The following ENOX1 variants were observed in gnomAD, a reference collection of about 807,000 sequenced individuals.
ENOX1 encodes the protein ecto-NOX disulfide-thiol exchanger 1, also known as candidate growth-related and time keeping constitutive hydroquinone (NADH) oxidase.
ENOX1 carries 42 observed loss-of-function variants against 82.5 expected under a neutral mutation model. The observed-to-expected ratio is 0.51, with a 90% CI of 0.40 to 0.66. The LOEUF (loss-of-function observed/expected upper bound fraction) is 0.66. Among genes scored for constraint, ENOX1 ranks in the 30% least tolerant of loss-of-function variants. ENOX1 has a pLI of 0.00. For missense variants in ENOX1, 608 were observed against 811.6 expected, an observed-to-expected ratio of 0.75 and a Z score of 3.05; for synonymous variants, 271 against 282.2, an observed-to-expected ratio of 0.96 and a Z score of 0.40.
chr13:43,409,065 G>T (rs1051594543), intron 5 of ENOX1, among the ~76,000 whole-genome samples: 2 of 147,118 alleles, frequency 1.4e-5, no homozygotes, highest in African/African-American at 5.0e-5. Context: ...AAAATTACCA[G>T]GAACCCTATT....
At chr13:43,360,084 T>A in intron 6 of ENOX1, 27 bp from the exon 7 acceptor site, 1 of 1,603,648 alleles carries the variant, frequency 6.2e-7, no homozygotes, top group Non-Finnish European at 8.5e-7. Flanking sequence ...AACAGAAAGT[T>A]TTATCTTTCA....
intron 3 of ENOX1, among the ~76,000 whole-genome samples, chr13:43,439,461 A>G (rs1047598086): frequency 6.6e-6 from 1 of 152,030 alleles, no homozygotes; most frequent in African/African-American, 2.4e-5. Flanking sequence ...CAGCCTCGCA[A>G]AGTGCTGGGA....
intron 12 of ENOX1, among the ~76,000 whole-genome samples, chr13:43,285,810 CAAAA>C (rs11417324): frequency 2.7e-4 from 18 of 67,452 alleles, no homozygotes; most frequent in African/African-American, 8.6e-4. Context: ...GACTCTGTCT[CAAAA>C]AAAAAAAAAA....
At chr13:43,416,414 C>T (rs1419014297) in intron 3 of ENOX1, among the ~76,000 whole-genome samples, 2 of 130,528 alleles carry the variant, frequency 1.5e-5, no homozygotes, top group East Asian at 2.4e-4. Context: ...GCGCTCCTCA[C>T]ATCCCAGACG....
chr13:43,486,811 A>G (rs1284126906), intron 2 of ENOX1, among the ~76,000 whole-genome samples: 1 of 152,196 alleles, frequency 6.6e-6, no homozygotes, highest in African/African-American at 2.4e-5. Flanking sequence ...CTGTTCGAGG[A>G]TTAAGTAAGA....
chr13:43,334,701 T>C (rs894015902), intron 9 of ENOX1, among the ~76,000 whole-genome samples: 2 of 152,180 alleles, frequency 1.3e-5, no homozygotes, highest in Non-Finnish European at 2.9e-5. Context: ...TGAGCCACAG[T>C]GCAGAAGAAT....
chr13:43,395,533 A>G (rs2153585032), intron 5 of ENOX1, among the ~76,000 whole-genome samples: 1 of 152,342 alleles, frequency 6.6e-6, no homozygotes, highest in South Asian at 2.1e-4. Flanking sequence ...TCCAAACAAA[A>G]CAAAACCAGC....
At chr13:43,558,867 A>G (rs571185548) in intron 2 of ENOX1, among the ~76,000 whole-genome samples, 10 of 152,158 alleles carry the variant, frequency 6.6e-5, no homozygotes, top group Non-Finnish European at 1.5e-4. Context: ...TATCTTTCTG[A>G]TAAGAGTATG....
At chr13:43,746,324 C>T (rs976443913) in intron 1 of ENOX1, among the ~76,000 whole-genome samples, 1 of 151,750 alleles carries the variant, frequency 6.6e-6, no homozygotes, top group African/African-American at 2.4e-5. Context: ...TAGAAAAAAA[C>T]TTTAAAGAAT....
intron 2 of ENOX1, among the ~76,000 whole-genome samples, chr13:43,556,682 A>C (rs1246125351): frequency 6.6e-6 from 1 of 151,994 alleles, no homozygotes; most frequent in Non-Finnish European, 1.5e-5. Flanking sequence ...CTTGGGCTTG[A>C]TGATAATTAT....
intron 5 of ENOX1, among the ~76,000 whole-genome samples, chr13:43,395,815 T>A (rs1359907089): frequency 1.3e-5 from 2 of 152,210 alleles, no homozygotes; most frequent in African/African-American, 4.8e-5. Context: ...CCATGCCACG[T>A]AGGCTGCGAT....
Position 43,723,812 on chromosome 13 carries a change from T to C in ENOX1, c.-284-56268A>G, listed in dbSNP as rs578208279. Among the ~76,000 whole-genome samples the C allele has an allele frequency of 4.6e-5, 7 of 151,958 alleles. No homozygotes were observed. In the East Asian group the frequency reaches 1.4e-3, roughly 29 times the overall value. Reference sequence around the variant, plus strand: ...ACACACATACACATGACAGGAAGAATTGCACCAAACCTTTAAGCTGTAGAA... The same window carrying C: ...ACACACATACACATGACAGGAAGAACTGCACCAAACCTTTAAGCTGTAGAA... On this transcript the variant is annotated intron_variant, in intron 1 of 16. Transcript: ENST00000690772.
chr13:43,786,342 G>A lies in ENOX1; in HGVS notation c.-285+310C>T, dbSNP rs1052124062. Reference sequence around the variant, plus strand: ...CTGGCGCGCGGCGGGCGCGGAGCCCGGAGCTGACACTGGCTGGCGGGCGGA... The same window carrying A: ...CTGGCGCGCGGCGGGCGCGGAGCCCAGAGCTGACACTGGCTGGCGGGCGGA... On this transcript the variant is annotated intron_variant, in intron 1 of 16. Coordinates refer to ENST00000690772, the MANE Select transcript of ENOX1 (RefSeq NM_001347969.2). The surrounding 1 kb of genome is among the most constrained non-coding windows in gnomAD (Gnocchi z 6.0). 1.3e-5 allele frequency among the ~76,000 whole-genome samples: 2 copies of A among 151,910 alleles called. No homozygotes were observed. The highest frequency in any genetic ancestry group is 2.4e-5 in the African/African-American group (1 of 41,358).
At chr13:43,252,610 C>T (rs2043520802) in intron 14 of ENOX1, among the ~76,000 whole-genome samples, 1 of 152,222 alleles carries the variant, frequency 6.6e-6, no homozygotes, top group African/African-American at 2.4e-5. Context: ...TTTTGCTCTG[C>T]CTGAATTAGG....
chr13:43,332,074 A>G (rs2048439993), intron 9 of ENOX1, among the ~76,000 whole-genome samples: 1 of 152,178 alleles, frequency 6.6e-6, no homozygotes, highest in Non-Finnish European at 1.5e-5. Context: ...ATTACAGCCC[A>G]CTTAAAACTG....
intron 3 of ENOX1, among the ~76,000 whole-genome samples, chr13:43,424,623 T>C (rs2055175477): frequency 6.6e-6 from 1 of 152,228 alleles, no homozygotes; most frequent in Non-Finnish European, 1.5e-5. Flanking sequence ...CCTGCAGTCA[T>C]GATCGCCCTG....
chr13:43,754,051 T>TATATACATATATACGTATATAAATAC (rs71099849), intron 1 of ENOX1, among the ~76,000 whole-genome samples: 1 of 117,780 alleles, frequency 8.5e-6, no homozygotes, highest in African/African-American at 3.9e-5. Flanking sequence ...TAAATACACA[T>TATATACATATATACGTATATAAATAC]ATATATACAT....
intron 2 of ENOX1, among the ~76,000 whole-genome samples, chr13:43,656,903 A>G (rs2084462692): frequency 6.6e-6 from 1 of 152,236 alleles, no homozygotes; most frequent in Non-Finnish European, 1.5e-5. Context: ...GAAAATAATC[A>G]AAGTTTCAAA....
intron 2 of ENOX1, among the ~76,000 whole-genome samples, chr13:43,654,291 C>T (rs188661158): frequency 3.9e-5 from 6 of 152,154 alleles, no homozygotes; most frequent in South Asian, 2.1e-4. Flanking sequence ...ACTTGCCCTA[C>T]GTATTTCATA....
Sources: gnomAD v4.1 joint callset for allele counts (sites outside exome capture counted in the v4.1 genomes callset) on GRCh38, gnomAD v4.1.1 for gene constraint, Gnocchi (gnomAD v3.1) non-coding constraint, MANE v1.5 for transcripts, NCBI Gene and HGNC (gene_info 2026-07-23, HGNC 2026-07-21) for gene names.